The following CPNE4 variants were observed in gnomAD, a reference collection of about 807,000 sequenced individuals.
CPNE4 encodes copine 4, also known as copine-4.
CPNE4 carries 25 observed loss-of-function variants against 67.9 expected under a neutral mutation model. The observed-to-expected ratio is 0.37, with a 90% CI of 0.27 to 0.51. CPNE4 has a LOEUF of 0.51. Ranked by LOEUF, CPNE4 falls within the 20% of genes least tolerant of loss-of-function variation. The probability of loss-of-function intolerance (pLI) is 0.93; values close to 1 mark genes in which losing one functional copy is unlikely to be tolerated. For synonymous variants in CPNE4, 242 were observed against 244.9 expected, an observed-to-expected ratio of 0.99 and a Z score of 0.11; for missense variants, 464 against 690.8, an observed-to-expected ratio of 0.67 and a Z score of 3.68.
At chr3:131,868,894 A>G (rs1330392964) in intron 2 of CPNE4, among the ~76,000 whole-genome samples, 2 of 152,168 alleles carry the variant, frequency 1.3e-5, no homozygotes, top group Non-Finnish European at 2.9e-5. Context: ...TTGAGTAGAT[A>G]TTGGACACCA....
intron 2 of CPNE4, 114 bp downstream of exon 2, chr3:131,905,150 A>T: frequency 2.2e-6 from 2 of 904,862 alleles, no homozygotes; most frequent in East Asian, 4.9e-5. Flanking sequence ...GATCATATTC[A>T]CTTCTCAAAT....
intron 7 of CPNE4, among the ~76,000 whole-genome samples, chr3:131,636,906 G>A (rs2079402723): frequency 6.6e-6 from 1 of 152,174 alleles, no homozygotes; most frequent in Non-Finnish European, 1.5e-5. Flanking sequence ...GAGCCCAGTA[G>A]CTCTGCTGGG....
intron 2 of CPNE4, among the ~76,000 whole-genome samples, chr3:131,802,628 T>G (rs2084173240): frequency 6.6e-6 from 1 of 152,158 alleles, no homozygotes; most frequent in Admixed American, 6.5e-5. Context: ...TGCACTGAAT[T>G]TCTCACAGCA....
chr3:131,997,744 G>A (rs943381289), intron 1 of CPNE4, among the ~76,000 whole-genome samples: 3 of 152,086 alleles, frequency 2.0e-5, no homozygotes, highest in African/African-American at 7.2e-5. Context: ...ATGGTCACAG[G>A]TATGAACATT....
At chr3:131,712,139 G>A (rs142312632) in intron 3 of CPNE4, among the ~76,000 whole-genome samples, 29 of 152,254 alleles carry the variant, frequency 1.9e-4, no homozygotes, top group African/African-American at 5.3e-4. Context: ...CAATGTTTAC[G>A]TGTCTTACTC....
chr3:131,796,567 A>G lies in CPNE4; in HGVS notation c.181-72942T>C, dbSNP rs376754337. Among the ~76,000 whole-genome samples the G allele has an allele frequency of 2.0e-5, 3 of 152,166 alleles. No individual in the cohort carries two copies. The East Asian group carries it at 5.8e-4, about 29-fold the overall frequency. ...AAATAAATACATTTTTTCTAAGTCA[A>G]TTCAAACTAGAATAAGTCACTGCCA... On this transcript the variant is annotated intron_variant, in intron 2 of 15. Transcript: ENST00000429747.
rs138465567 is a variant in CPNE4, at chr3:131,981,315, G to T, written c.-2+53252C>A. Among the ~76,000 whole-genome samples the T allele has an allele frequency of 4.7e-3, 710 of 152,126 alleles. 1 individual carries two copies. The highest frequency in any genetic ancestry group is 0.01 in the Middle Eastern group (3 of 294). ...TGGGTAGGGAAGGACCATCAGGTGG[G>T]GGTGGGGCTAGGCATGTTTGAGCTC... On this transcript the variant is annotated intron_variant, in intron 1 of 15. Transcript: ENST00000429747.
At chr3:131,897,394 ATGG>A (rs767900161) in intron 2 of CPNE4, among the ~76,000 whole-genome samples, 27 of 152,110 alleles carry the variant, frequency 1.8e-4, no homozygotes, top group Non-Finnish European at 3.7e-4. Flanking sequence ...GACTTAGCAT[ATGG>A]TGCATAGCAA....
At chr3:131,883,909 A>G (rs2087778114) in intron 2 of CPNE4, among the ~76,000 whole-genome samples, 1 of 152,200 alleles carries the variant, frequency 6.6e-6, no homozygotes, top group Non-Finnish European at 1.5e-5. Flanking sequence ...TTCTGTTGGA[A>G]TACTCTGTCC....
At chr3:132,030,436 T>C (rs2074212746) in intron 1 of CPNE4, among the ~76,000 whole-genome samples, 1 of 152,228 alleles carries the variant, frequency 6.6e-6, no homozygotes, top group Non-Finnish European at 1.5e-5. Flanking sequence ...ATTTATTGGG[T>C]AAATATTGCA....
At chr3:131,704,167 G>A (rs2081366319) in intron 3 of CPNE4, among the ~76,000 whole-genome samples, 1 of 152,112 alleles carries the variant, frequency 6.6e-6, no homozygotes, top group South Asian at 2.1e-4. Flanking sequence ...GTCTCTCACT[G>A]TAGCAGGCAA....
intron 1 of CPNE4, among the ~76,000 whole-genome samples, chr3:131,912,902 T>C (rs140886578): frequency 3.5e-4 from 53 of 152,300 alleles, no homozygotes; most frequent in African/African-American, 1.1e-3. Flanking sequence ...GCCTGCGGAC[T>C]ACACCTTGAG....
Position 131,604,063 on chromosome 3 carries a change from C to T in CPNE4, c.682-16481G>A, listed in dbSNP as rs79181344. The stretch of plus-strand genomic sequence containing the variant: ...ATCAACTTTGGAAGAGTAATTGCAT[C>T]ATACTTCTTATTAATAGAGCCCCAC... On this transcript the variant is annotated intron_variant, in intron 7 of 15. Coordinates refer to ENST00000429747, the MANE Select transcript of CPNE4 (RefSeq NM_130808.3). Among the ~76,000 whole-genome samples the T allele has an allele frequency of 4.7e-3, 712 of 152,178 alleles. 18 individuals carry two copies. In the East Asian group the frequency reaches 0.058, roughly 12 times the overall value.
At chr3:131,911,064 T>C (rs2088955487) in intron 1 of CPNE4, among the ~76,000 whole-genome samples, 1 of 152,156 alleles carries the variant, frequency 6.6e-6, no homozygotes, top group African/African-American at 2.4e-5. Context: ...GGGTGAGACC[T>C]GTGACTTGCT....
At chr3:131,540,529 T>TG (rs1316280867) in intron 15 of CPNE4, among the ~76,000 whole-genome samples, 3 of 152,286 alleles carry the variant, frequency 2.0e-5, no homozygotes, top group Non-Finnish European at 4.4e-5. Context: ...CAAGTATGTA[T>TG]GGGGGTGGGA....
At chr3:131,535,752 A>T (rs1184648287) in intron 15 of CPNE4, among the ~76,000 whole-genome samples, 1 of 152,218 alleles carries the variant, frequency 6.6e-6, no homozygotes, top group African/African-American at 2.4e-5. Context: ...GTAGAATATG[A>T]CACATGCTAT....
At chr3:131,633,057 C>T (rs1345818124) in intron 7 of CPNE4, among the ~76,000 whole-genome samples, 1 of 152,166 alleles carries the variant, frequency 6.6e-6, no homozygotes, top group Non-Finnish European at 1.5e-5. Flanking sequence ...TGCAGTCCTC[C>T]CCATCTCAGC....
At chr3:131,610,577 T>C (rs1205589549) in intron 7 of CPNE4, among the ~76,000 whole-genome samples, 2 of 152,234 alleles carry the variant, frequency 1.3e-5, no homozygotes, top group African/African-American at 4.8e-5. Context: ...ACAACTGAGA[T>C]GTGACTACAC....
At chr3:131,801,450 G>GTATATATATATATA (rs1233533120) in intron 2 of CPNE4, among the ~76,000 whole-genome samples, 11 of 39,570 alleles carry the variant, frequency 2.8e-4, no homozygotes, top group African/African-American at 9.7e-4. Flanking sequence ...GTGTGTGTGT[G>GTATATATATATATA]TGTATATATA....
Sources: allele counts gnomAD v4.1 joint callset (sites outside exome capture counted in the v4.1 genomes callset), GRCh38; gene constraint gnomAD v4.1.1; transcripts MANE v1.5; gene names NCBI Gene and HGNC (gene_info 2026-07-23, HGNC 2026-07-21).